The following C1orf198 variants were observed in gnomAD, a reference collection of about 807,000 sequenced individuals.
The protein encoded by C1orf198 is chromosome 1 open reading frame 198.
In C1orf198, 17 loss-of-function variants were observed where a neutral mutation model predicts 31.4. The observed-to-expected ratio is 0.54, with a 90% confidence interval of 0.37 to 0.81. C1orf198 has a LOEUF of 0.81. Ranked by LOEUF, C1orf198 falls within the 40% of genes least tolerant of loss-of-function variation. C1orf198 has a pLI of 0.00. For synonymous variants in C1orf198, 175 were observed against 193.8 expected (o/e 0.90, Z 0.81); for missense variants, 401 against 450.3 (o/e 0.89, Z 0.99).
chr1:230,863,587 A>G (rs1333507992), intron 1 of C1orf198, among the ~76,000 whole-genome samples: 1 of 152,194 alleles, frequency 6.6e-6, no homozygotes, highest in East Asian at 1.9e-4. Context: ...CCTGGCTGCC[A>G]CTGGGCCACC....
upstream of C1orf198, chr1:230,868,546 C>G: frequency 1.6e-6 from 2 of 1,240,912 alleles, no homozygotes; most frequent in South Asian, 3.3e-5. Flanking sequence ...GCCCGCGCCC[C>G]GCCCCTCGCT....
chr1:230,868,719 C>G (rs940734035), upstream of C1orf198: 1 of 204,876 alleles, frequency 4.9e-6, no homozygotes, highest in Non-Finnish European at 9.2e-6. Context: ...CCTCCGGGCC[C>G]CCCCCCGCCA....
At chr1:230,861,858 C>T (rs1477458948) in intron 1 of C1orf198, among the ~76,000 whole-genome samples, 4 of 152,186 alleles carry the variant, frequency 2.6e-5, no homozygotes, top group East Asian at 1.9e-4. Context: ...TCTTGGAACA[C>T]GGCAACACGC....
rs190844449 is a variant in C1orf198 at position 230,844,012 on chromosome 1, C to T, written c.385-116G>A. 5.6e-4 allele frequency: 611 copies of T among 1,090,086 alleles called. 5 individuals carry two copies. The African/African-American group carries it at 8.6e-3, about 15-fold the overall frequency. The allele number at this position is 1,090,086 out of a possible 1,614,324, so 67.5% of individuals were successfully genotyped here. ...CATAAGGACGCACACCAGCCACACA[C>T]GAGTTGTTGCCCATGTGCTGGAACT... On this transcript the variant is annotated intron_variant, in intron 2 of 3. Coordinates refer to ENST00000366663, the MANE Select transcript of C1orf198 (RefSeq NM_032800.3).
At chr1:230,865,036 C>G (rs1395806434) in intron 1 of C1orf198, among the ~76,000 whole-genome samples, 1 of 152,200 alleles carries the variant, frequency 6.6e-6, no homozygotes, top group East Asian at 1.9e-4. Flanking sequence ...TCAAAAGCAT[C>G]CATTTGCAAA....
chr1:230,863,941 A>G (rs543997734), intron 1 of C1orf198, among the ~76,000 whole-genome samples: 1 of 152,308 alleles, frequency 6.6e-6, no homozygotes, highest in East Asian at 1.9e-4. Context: ...GCAACTCCCT[A>G]ATTTTCTTTT....
intron 1 of C1orf198, among the ~76,000 whole-genome samples, chr1:230,858,824 G>A (rs1669938517): frequency 6.6e-6 from 1 of 152,204 alleles, no homozygotes; most frequent in African/African-American, 2.4e-5. Context: ...TTGGAAGGTG[G>A]CTCAATACAA....
Position 230,839,618 on chromosome 1 carries a change from C to A in C1orf198, c.*234G>T. On this transcript the variant is annotated 3_prime_UTR_variant, in exon 4 of 4. Transcript: ENST00000366663. ...AAGATCTCCTGAATTATTAACAGAC[C>A]TTAAAAATTCCAAATGGAAAACTTC... 2.2e-6 allele frequency: 1 copy of A among 446,322 alleles called. No individual in the cohort carries two copies. Among genetic ancestry groups the A allele is most frequent in the Non-Finnish European group, 3.9e-6 (1 of 257,186 alleles). The allele number at this position is 446,322 out of a possible 1,614,324, so 27.6% of individuals were successfully genotyped here.
rs1391443994 is a variant in C1orf198, at chr1:230,868,311, C to G, written c.202G>C (p.Glu68Gln). 6.3e-7 allele frequency: 1 copy of G among 1,597,152 alleles called. No homozygotes were observed. Among genetic ancestry groups the G allele is most frequent in the Non-Finnish European group, 8.5e-7 (1 of 1,172,852 alleles). The change falls in exon 1 of 4, where the codon GAG (glutamate) becomes CAG (glutamine). Residue 68 changes from glutamate (E) to glutamine (Q), a missense_variant. Glu to Gln is a conservative substitution (Grantham distance 29, BLOSUM62 2). Transcript: ENST00000366663. The part of the protein sequence containing the change: ...WARLPPAQQD[E>Q]IIDRCLVGPR... ...CCCACCAGGCACCGGTCGATGATCT[C>G]GTCCTGCTGCGCGGGCGGCAGCCGC... is the stretch of plus-strand genomic sequence containing the variant.
intron 3 of C1orf198, among the ~76,000 whole-genome samples, chr1:230,842,755 A>G (rs989272699): frequency 8.0e-5 from 12 of 150,498 alleles, no homozygotes; most frequent in African/African-American, 2.9e-4. Flanking sequence ...ATAAAAATTA[A>G]AAAAAAAAAG....
Position 230,843,118 on chromosome 1 carries a change from G to A in C1orf198, c.927+236C>T, listed in dbSNP as rs918673464. ...ACTGGGGAAAGCGCAGTGGGCCACGGAACCCTGACTGGTAAACAAATTAGG... is the reference window on the plus strand; with the variant it reads ...ACTGGGGAAAGCGCAGTGGGCCACGAAACCCTGACTGGTAAACAAATTAGG... On this transcript the variant is annotated intron_variant, in intron 3 of 3. Transcript: ENST00000366663. The surrounding 1 kb of genome is among the most constrained non-coding windows in gnomAD (Gnocchi z 4.9). Among the ~76,000 whole-genome samples, 4 of 152,246 alleles carry A rather than the reference G, an allele frequency of 2.6e-5. No homozygotes were observed. Among genetic ancestry groups the A allele is most frequent in the Non-Finnish European group, 5.9e-5 (4 of 68,048 alleles).
intron 1 of C1orf198, among the ~76,000 whole-genome samples, chr1:230,861,188 C>T (rs1669996508): frequency 6.6e-6 from 1 of 152,032 alleles, no homozygotes; most frequent in African/African-American, 2.4e-5. Flanking sequence ...CCAGAGACTT[C>T]GGTTGACAAT....
At chr1:230,852,253 G>C (rs950242534) in intron 2 of C1orf198, among the ~76,000 whole-genome samples, 1 of 152,104 alleles carries the variant, frequency 6.6e-6, no homozygotes, top group Non-Finnish European at 1.5e-5. Flanking sequence ...GCTGTTGTTC[G>C]AGCACAGAAG....
At chr1:230,844,553 C>T (rs1487401158) in intron 2 of C1orf198, among the ~76,000 whole-genome samples, 1 of 152,214 alleles carries the variant, frequency 6.6e-6, no homozygotes, top group Admixed American at 6.5e-5. Context: ...CTCCCTCATG[C>T]ACTATGCTAC....
Position 230,855,689 on chromosome 1 carries a change from G to A in C1orf198, c.363C>T (p.Ala121=). Reference sequence around the variant, plus strand: ...TTACCTTTGTTTCCCAGGAGAAAGGGGCAGAGTGCTCATCTTGCCAAGTTA... The same window carrying A: ...TTACCTTTGTTTCCCAGGAGAAAGGAGCAGAGTGCTCATCTTGCCAAGTTA... ...EDLTWQDEHS[A]PFSWETKSQM... is the part of the protein sequence containing the mutation. Residue 121 remains alanine, a synonymous_variant, in exon 2 of 4, where the codon GCC becomes GCT. Transcript: ENST00000366663. The A allele has an allele frequency of 6.2e-7, 1 of 1,612,152 alleles. No individual in the cohort carries two copies. Among genetic ancestry groups the A allele is most frequent in the Non-Finnish European group, 8.5e-7 (1 of 1,178,880 alleles).
rs532790936 is a variant in C1orf198 at position 230,851,047 on chromosome 1, C to T, written c.384+4621G>A. ...CAAGGGTGAAAGAATTCAGAGTACA[C>T]ACACATCCCTATCATGGGCACAGCA... On this transcript the variant is annotated intron_variant, in intron 2 of 3. Coordinates refer to ENST00000366663, the MANE Select transcript of C1orf198 (RefSeq NM_032800.3). 6.6e-5 allele frequency among the ~76,000 whole-genome samples: 10 copies of T among 151,902 alleles called. No homozygotes were observed. In the South Asian group the frequency reaches 2.1e-3, roughly 32 times the overall value.
At chr1:230,866,800 A>G (rs973557877) in intron 1 of C1orf198, among the ~76,000 whole-genome samples, 9 of 152,308 alleles carry the variant, frequency 5.9e-5, no homozygotes, top group Admixed American at 3.3e-4. Context: ...TCCCACTGAA[A>G]ATGTTTCAGC....
chr1:230,843,885 C>A lies in C1orf198; in HGVS notation c.396G>T (p.Glu132Asp). Reference sequence around the variant, plus strand: ...GGATGGATAGGGCGGAGATACTGAACTCCATCTGACTCTAGGGTGGGACAT... The same window carrying A: ...GGATGGATAGGGCGGAGATACTGAAATCCATCTGACTCTAGGGTGGGACAT... ...PFSWETKSQM[E>D]FSISALSIQE... The change falls in exon 3 of 4, where the codon GAG becomes GAT. Residue 132 changes from glutamate (E) to aspartate (D), a missense_variant. Transcript: ENST00000366663. This position sits in a 1 kb window ranked among gnomAD's most constrained non-coding sequence, Gnocchi z 4.9. 6.6e-7 allele frequency: 1 copy of A among 1,508,598 alleles called. No homozygotes were observed. Among genetic ancestry groups the A allele is most frequent in the Non-Finnish European group, 8.8e-7 (1 of 1,132,878 alleles). 93.5% of individuals were successfully genotyped at this position (1,508,598 alleles called of 1,614,324 possible).
At chr1:230,856,426 T>C (rs1468968357) in intron 1 of C1orf198, among the ~76,000 whole-genome samples, 1 of 152,064 alleles carries the variant, frequency 6.6e-6, no homozygotes, top group Non-Finnish European at 1.5e-5. Context: ...GGATCCAGTA[T>C]GTTTTGTTCA....
Sources: gnomAD v4.1 joint callset for allele counts (sites outside exome capture counted in the v4.1 genomes callset) on GRCh38, gnomAD v4.1.1 for gene constraint, Gnocchi (gnomAD v3.1) non-coding constraint, MANE v1.5 for transcripts, NCBI Gene and HGNC (gene_info 2026-07-23, HGNC 2026-07-21) for gene names.